The following PIAS2 variants were observed in gnomAD, a reference collection of about 807,000 sequenced individuals.
PIAS2 encodes the protein protein inhibitor of activated STAT 2.
PIAS2 carries 19 observed loss-of-function variants against 69.7 expected under a neutral mutation model. The ratio of observed to expected loss-of-function variants is 0.27; its 90% CI spans 0.19 to 0.40. PIAS2 has a LOEUF of 0.40. Ranked by LOEUF, PIAS2 falls within the 10% of genes least tolerant of loss-of-function variation. The pLI is 1.00. For missense variants in PIAS2, 624 were observed against 757.0 expected (o/e 0.82, Z 2.06); for synonymous variants, 261 against 263.2 (o/e 0.99, Z 0.08).
Position 46,810,277 on chromosome 18 carries a change from T to A in PIAS2, c.*2156A>T, listed in dbSNP as rs550584206. ...GTAAATAAACTAATTTCTATTAATA[T>A]TTTCATTTACTTTATAAAACTTTGT... On this transcript the variant is annotated 3_prime_UTR_variant, in exon 14 of 14. Coordinates refer to ENST00000585916, the MANE Select transcript of PIAS2 (RefSeq NM_004671.5). The A allele has an allele frequency of 1.3e-5, 2 of 152,260 alleles. No homozygotes were observed. The highest frequency in any genetic ancestry group is 3.9e-4 in the East Asian group (2 of 5,190). 9.4% of individuals were successfully genotyped at this position (152,260 alleles called of 1,614,324 possible). A position where few individuals can be genotyped will look rare whatever the true frequency, so the allele number is the denominator to read the frequency against.
At chr18:46,898,863 A>G (rs1365191112) in intron 1 of PIAS2, among the ~76,000 whole-genome samples, 2 of 151,736 alleles carry the variant, frequency 1.3e-5, no homozygotes, top group East Asian at 3.9e-4. Flanking sequence ...GCGTGATGGG[A>G]GGGTGCCTGT....
At chr18:46,816,536 G>A in intron 12 of PIAS2, 1 of 705,594 alleles carries the variant, frequency 1.4e-6, no homozygotes, top group Non-Finnish European at 1.7e-6. Flanking sequence ...GGAGTGCAGA[G>A]GCACAATCAT....
intron 1 of PIAS2, among the ~76,000 whole-genome samples, chr18:46,911,525 A>G (rs867223502): frequency 2.6e-5 from 4 of 152,136 alleles, no homozygotes; most frequent in Middle Eastern, 6.8e-3. Context: ...TGACTTTGTT[A>G]TATTTCCTTT....
chr18:46,878,601 G>A (rs970131689), intron 2 of PIAS2, among the ~76,000 whole-genome samples: 1 of 152,160 alleles, frequency 6.6e-6, no homozygotes, highest in Admixed American at 6.5e-5. Flanking sequence ...AGGTGCAGTG[G>A]GTCACTCCTG....
chr18:46,887,014 C>T (rs2053314643), intron 2 of PIAS2, among the ~76,000 whole-genome samples: 1 of 152,166 alleles, frequency 6.6e-6, no homozygotes, highest in Admixed American at 6.5e-5. Context: ...CATTCTCTCA[C>T]TTTGCTTGTG....
chr18:46,851,782 T>A (rs1287411349), intron 5 of PIAS2, among the ~76,000 whole-genome samples: 1 of 152,222 alleles, frequency 6.6e-6, no homozygotes, highest in Non-Finnish European at 1.5e-5. Context: ...CATTCCTATG[T>A]TTACTTTGTA....
At chr18:46,813,021 A>G (rs1230556184) in intron 13 of PIAS2, among the ~76,000 whole-genome samples, 2 of 152,170 alleles carry the variant, frequency 1.3e-5, no homozygotes, top group Non-Finnish European at 2.9e-5. Flanking sequence ...AACATTTTTA[A>G]AAGTATTTGT....
At chr18:46,913,555 G>T (rs2057487164) in intron 1 of PIAS2, among the ~76,000 whole-genome samples, 1 of 145,884 alleles carries the variant, frequency 6.9e-6, no homozygotes. Flanking sequence ...ACAGAAGGGA[G>T]ATCCTTAAAA....
In PIAS2 at chr18:46,832,479, A is replaced by C. The variant is rs138170080; in HGVS notation, c.1203-2612T>G. On this transcript the variant is annotated intron_variant, in intron 9 of 13. Transcript: ENST00000585916. ...CAAAAGTTTGGTCACTTCACCAAAG[A>C]AACGTACAGATGGAGAATAAATACG... 2.3e-3 allele frequency among the ~76,000 whole-genome samples: 354 copies of C among 152,266 alleles called. 5 individuals carry two copies. In the East Asian group the frequency reaches 0.024, roughly 10 times the overall value.
intron 1 of PIAS2, among the ~76,000 whole-genome samples, chr18:46,895,634 G>A (rs1171168014): frequency 6.6e-6 from 1 of 152,258 alleles, no homozygotes; most frequent in Middle Eastern, 3.4e-3. Flanking sequence ...TCACACTACT[G>A]CACTCCAGCC....
At chr18:46,826,320 G>C (rs1459510358) in intron 11 of PIAS2, among the ~76,000 whole-genome samples, 1 of 152,080 alleles carries the variant, frequency 6.6e-6, no homozygotes, top group Non-Finnish European at 1.5e-5. Context: ...CATCCCTCCT[G>C]TTTCATGGAC....
chr18:46,837,476 C>A (rs1297982008), intron 8 of PIAS2, among the ~76,000 whole-genome samples: 1 of 152,070 alleles, frequency 6.6e-6, no homozygotes, highest in Non-Finnish European at 1.5e-5. Context: ...TATAGGCACT[C>A]TTTATATAAG....
At chr18:46,900,484 A>G (rs2055638246) in intron 1 of PIAS2, among the ~76,000 whole-genome samples, 1 of 152,040 alleles carries the variant, frequency 6.6e-6, no homozygotes, top group African/African-American at 2.4e-5. Flanking sequence ...CCTGGGAAAC[A>G]AAGTGAGACC....
chr18:46,855,708 G>A, intron 3 of PIAS2, 93 bp from the exon 4 acceptor site: 1 of 949,546 alleles, frequency 1.1e-6, no homozygotes, highest in Non-Finnish European at 1.7e-6. Flanking sequence ...AGCATTATTT[G>A]TATTTTTCTT....
chr18:46,890,508 T>TAATC, intron 2 of PIAS2, 72 bp downstream of exon 2: 1 of 900,724 alleles, frequency 1.1e-6, no homozygotes, highest in Non-Finnish European at 1.7e-6. Flanking sequence ...AGCACATCAT[T>TAATC]AATCAATAGT....
At chr18:46,839,662 C>T (rs1306600743) in intron 8 of PIAS2, among the ~76,000 whole-genome samples, 1 of 151,774 alleles carries the variant, frequency 6.6e-6, no homozygotes, top group Non-Finnish European at 1.5e-5. Flanking sequence ...GTCAGGAGTT[C>T]GACACCAGCC....
chr18:46,815,600 G>A (rs1288887476), intron 12 of PIAS2: 9 of 1,150,874 alleles, frequency 7.8e-6, no homozygotes, highest in Non-Finnish European at 8.6e-6. Context: ...ACTTTCCAGT[G>A]AAGGACTAGT....
chr18:46,860,606 C>T (rs2048506716), intron 3 of PIAS2, among the ~76,000 whole-genome samples: 1 of 152,142 alleles, frequency 6.6e-6, no homozygotes, highest in Admixed American at 6.5e-5. Context: ...ACAATTTGAG[C>T]ATATCAATTA....
At position 46,844,066 on chromosome 18, in the gene PIAS2, G is replaced by T; in HGVS notation, c.1029C>A (p.Ser343=). Reference sequence around the variant, plus strand: ...TTGCTTTACTTACAGGGCACATCAAGGATACCCGAAGGCTAGTTGTAGCAA... The same window carrying T: ...TTGCTTTACTTACAGGGCACATCAATGATACCCGAAGGCTAGTTGTAGCAA... ...SEIATTSLRV[S]LMCPLGKMRL... is the part of the protein sequence containing the mutation. Residue 343 remains serine (S), a synonymous_variant, in exon 8 of 14, where the codon TCC becomes TCA. Coordinates refer to ENST00000585916, the MANE Select transcript of PIAS2 (RefSeq NM_004671.5). 6.5e-7 allele frequency: 1 copy of T among 1,530,922 alleles called. No individual in the cohort carries two copies. Among genetic ancestry groups the T allele is most frequent in the Non-Finnish European group, 8.8e-7 (1 of 1,139,072 alleles). The allele number at this position is 1,530,922 out of a possible 1,614,324, so 94.8% of individuals were successfully genotyped here. A position where few individuals can be genotyped will look rare whatever the true frequency, so the allele number is the denominator to read the frequency against.
Sources: gnomAD v4.1 joint callset for allele counts (sites outside exome capture counted in the v4.1 genomes callset) on GRCh38, gnomAD v4.1.1 for gene constraint, MANE v1.5 for transcripts, NCBI Gene and HGNC (gene_info 2026-07-23, HGNC 2026-07-21) for gene names.